SPTB: variants seen among roughly 807,000 people sequenced by gnomAD.
The protein encoded by SPTB is spectrin beta, erythrocytic.
A neutral mutation model predicts 256.2 loss-of-function variants in SPTB; 45 were observed. The ratio of observed to expected loss-of-function variants is 0.18; its 90% CI spans 0.14 to 0.23. SPTB has a LOEUF of 0.23. Among genes scored for constraint, SPTB ranks in the 10% least tolerant of loss-of-function variants. The pLI is 1.00. For missense variants in SPTB, 2,715 were observed against 3,040.4 expected (o/e 0.89, Z 2.52); for synonymous variants, 1,231 against 1,243.1 (o/e 0.99, Z 0.21).
At chr14:64,766,526 G>A (rs938575441) in intron 32 of SPTB, 200 bp downstream of exon 32, 2 of 1,487,430 alleles carry the variant, frequency 1.3e-6, no homozygotes, top group Admixed American at 2.3e-5. Flanking sequence ...GAGGAGTGGA[G>A]GAGGCTAGTA....
intron 33 of SPTB, chr14:64,752,132 T>C (rs2081961134): frequency 1.0e-5 from 13 of 1,249,128 alleles, no homozygotes; most frequent in Middle Eastern, 2.6e-4. Flanking sequence ...AAAAGACAAA[T>C]AGGGCTCATG....
chr14:64,828,629 A>C (rs971294218), intron 1 of SPTB, among the ~76,000 whole-genome samples: 4 of 152,196 alleles, frequency 2.6e-5, no homozygotes, highest in African/African-American at 9.6e-5. Context: ...TCTTGGGCTT[A>C]ATATCTACAT....
At chr14:64,770,843 C>T (rs1442519345) in intron 27 of SPTB, 42 bp downstream of exon 27, 3 of 1,613,340 alleles carry the variant, frequency 1.9e-6, no homozygotes, top group Non-Finnish European at 2.5e-6. Flanking sequence ...GCTCCTCTGG[C>T]CTGGAGAGGA....
At chr14:64,855,876 A>C (rs1035680926) in intron 1 of SPTB, among the ~76,000 whole-genome samples, 1 of 152,150 alleles carries the variant, frequency 6.6e-6, no homozygotes, top group Non-Finnish European at 1.5e-5. Flanking sequence ...CTGGAGCAGG[A>C]GGCTGGCATC....
intron 2 of SPTB, among the ~76,000 whole-genome samples, chr14:64,817,919 A>G (rs1250424150): frequency 6.6e-6 from 1 of 152,236 alleles, no homozygotes; most frequent in Non-Finnish European, 1.5e-5. Context: ...AAGACAGTTA[A>G]GGCTCAGAGT....
rs542981597 is a variant in SPTB at position 64,765,016 on chromosome 14, G to A, written c.6345+1710C>T. 3.3e-3 allele frequency among the ~76,000 whole-genome samples: 445 copies of A among 135,072 alleles called. 5 individuals are homozygous for A. The highest frequency in any genetic ancestry group is 0.013 in the African/African-American group (425 of 33,056). The allele number at this position is 135,072 out of a possible 152,430, so 88.6% of individuals were successfully genotyped here. ...TCTGGCCAGGCTGGAGGCCACAGAG[G>A]AGTGTGTGCGTGTGTGTGTGTGTGT... On this transcript the variant is annotated intron_variant, in intron 32 of 35. Coordinates refer to ENST00000644917, the MANE Select transcript of SPTB (RefSeq NM_001355436.2).
At position 64,806,551 on chromosome 14, in the gene SPTB, C is replaced by T. The variant is rs74056027; in HGVS notation, c.149-1461G>A. 2.1e-3 allele frequency among the ~76,000 whole-genome samples: 314 copies of T among 152,354 alleles called. 3 individuals carry two copies. Among genetic ancestry groups the T allele is most frequent in the African/African-American group, 7.1e-3 (295 of 41,574 alleles). ...AACAAAAAGAGGAGCTTAGCCAGTT[C>T]TGCCTCAAGGGTAGAATCCTGGCAG... On this transcript the variant is annotated intron_variant, in intron 2 of 35. Coordinates refer to ENST00000644917, the MANE Select transcript of SPTB (RefSeq NM_001355436.2). The surrounding 1 kb of genome is among the most constrained non-coding windows in gnomAD (Gnocchi z 4.1).
rs776322770 is a variant in SPTB, at chr14:64,785,555, G to A, written c.3837C>T (p.Phe1279=). The change falls in exon 18 of 36, where the codon TTC becomes TTT. Residue 1279 remains phenylalanine (F), a synonymous_variant. Coordinates refer to ENST00000644917, the MANE Select transcript of SPTB (RefSeq NM_001355436.2). This position sits in a 1 kb window ranked among gnomAD's most constrained non-coding sequence, Gnocchi z 4.4. ...LLRDNLELQN[F]LQNCQELTLW... is the part of the protein sequence containing the mutation. ...GCCTCACCTCCTGGCAGTTCTGGAG[G>A]AAGTTCTGTAGCTCCAGGTTGTCTC... 2 of 1,613,642 alleles carry A rather than the reference G, an allele frequency of 1.2e-6. No homozygotes were observed. Among genetic ancestry groups the A allele is most frequent in the South Asian group, 2.2e-5 (2 of 90,960 alleles).
intron 1 of SPTB, among the ~76,000 whole-genome samples, chr14:64,870,585 C>T (rs1040865917): frequency 2.0e-5 from 3 of 152,190 alleles, no homozygotes; most frequent in African/African-American, 7.2e-5. Context: ...ACTTTGATGA[C>T]GAACTATCAC....
chr14:64,840,407 C>T (rs2083588646), intron 1 of SPTB, among the ~76,000 whole-genome samples: 1 of 152,196 alleles, frequency 6.6e-6, no homozygotes, highest in African/African-American at 2.4e-5. Context: ...TAGATTCACG[C>T]TTTAAAGGTC....
intron 2 of SPTB, among the ~76,000 whole-genome samples, chr14:64,817,201 G>GA (rs1566783686): frequency 1.4e-5 from 2 of 147,900 alleles, no homozygotes; most frequent in African/African-American, 5.3e-5. Context: ...ACAGTGCAGG[G>GA]GCATGCTGAC....
rs554705885 is a variant in SPTB, at chr14:64,798,291, G to A, written c.1065-445C>T. ...TAAAACCCCAGAAGCAGCATATTCC[G>A]TGGGAGAGCATCCTGCACTGAAAAC... is the stretch of plus-strand genomic sequence containing the variant. On this transcript the variant is annotated intron_variant, in intron 9 of 35. Transcript: ENST00000644917. Among the ~76,000 whole-genome samples, 40 of 152,286 alleles carry A rather than the reference G, an allele frequency of 2.6e-4. No individual in the cohort carries two copies. The South Asian group carries it at 4.1e-3, about 16-fold the overall frequency.
intron 2 of SPTB, among the ~76,000 whole-genome samples, chr14:64,810,781 G>A (rs73275668): frequency 2.8e-4 from 43 of 151,820 alleles, no homozygotes; most frequent in African/African-American, 1.0e-3. Context: ...AAATCCAAAA[G>A]CTATAAAATA....
rs907346008 is a variant in SPTB at position 64,807,879 on chromosome 14, C to A, written c.149-2789G>T. On this transcript the variant is annotated intron_variant, in intron 2 of 35. Transcript: ENST00000644917. This position sits in a 1 kb window ranked among gnomAD's most constrained non-coding sequence, Gnocchi z 4.7. ...ACTGGGACCCACCATGGGAAGGAGG[C>A]CTCAGCACAGCCCTGCCAGGAGCCA... is the stretch of plus-strand genomic sequence containing the variant. 2.0e-5 allele frequency among the ~76,000 whole-genome samples: 3 copies of A among 152,220 alleles called. No individual in the cohort carries two copies. The highest frequency in any genetic ancestry group is 7.2e-5 in the African/African-American group (3 of 41,464).
rs774600016 is a variant in SPTB at position 64,773,317 on chromosome 14, T to C, written c.5081A>G (p.Gln1694Arg). ...CAGGTCGTCGGTCTCCCGCTTGAGCTGGAACAGGTGGTACATGTTCTCCAG... is the reference window on the plus strand; with the variant it reads ...CAGGTCGTCGGTCTCCCGCTTGAGCCGGAACAGGTGGTACATGTTCTCCAG... The part of the protein sequence containing the change: ...RKLENMYHLF[Q>R]LKRETDDLEQ... Residue 1694 changes from glutamine (Q) to arginine (R), a missense_variant, in exon 25 of 36, where the codon CAG becomes CGG. By Grantham distance (43) the Gln-to-Arg change is conservative. Transcript: ENST00000644917. The C allele has an allele frequency of 6.8e-6, 11 of 1,614,112 alleles. No homozygotes were observed. In the Admixed American group the frequency reaches 8.3e-5, roughly 12 times the overall value.
In SPTB at chr14:64,792,292, T is replaced by A. The variant is rs1239607122; in HGVS notation, c.2667-436A>T. ...AAAGATACCCTTTCCAGCCAGGTGC[T>A]CCATTCCTGGGTAAGATAAGGAAAA... On this transcript the variant is annotated intron_variant, in intron 14 of 35. Coordinates refer to ENST00000644917, the MANE Select transcript of SPTB (RefSeq NM_001355436.2). The surrounding 1 kb of genome is among the most constrained non-coding windows in gnomAD (Gnocchi z 4.2). 6.6e-6 allele frequency among the ~76,000 whole-genome samples: 1 copy of A among 152,140 alleles called. No individual in the cohort carries two copies. The highest frequency in any genetic ancestry group is 1.9e-4 in the East Asian group (1 of 5,188).
At chr14:64,752,737 T>C (rs2081969804) in intron 33 of SPTB, among the ~76,000 whole-genome samples, 1 of 152,214 alleles carries the variant, frequency 6.6e-6, no homozygotes, top group Non-Finnish European at 1.5e-5. Flanking sequence ...TGGTTCCTTT[T>C]TGGAATTTGG....
chr14:64,837,905 CG>C (rs1437090093), intron 1 of SPTB, among the ~76,000 whole-genome samples: 1 of 152,034 alleles, frequency 6.6e-6, no homozygotes, highest in African/African-American at 2.4e-5. Context: ...AGCCACCGCG[CG>C]TGGCCAACAA....
chr14:64,828,221 T>C (rs1165534283), intron 1 of SPTB, among the ~76,000 whole-genome samples: 1 of 151,926 alleles, frequency 6.6e-6, no homozygotes, highest in African/African-American at 2.4e-5. Context: ...GCAGGGGCTT[T>C]ACATGCCGCA....
Sources: allele counts gnomAD v4.1 joint callset (sites outside exome capture counted in the v4.1 genomes callset), GRCh38; gene constraint gnomAD v4.1.1; non-coding constraint Gnocchi (gnomAD v3.1); transcripts MANE v1.5; gene names NCBI Gene and HGNC (gene_info 2026-07-23, HGNC 2026-07-21).